Variants in ANGPT2 observed in about 807,000 individuals in gnomAD.
ANGPT2 encodes the protein angiopoietin-2.
A neutral mutation model predicts 62.9 loss-of-function variants in ANGPT2; 28 were observed. That is an observed-to-expected ratio of 0.44 (90% CI 0.33 to 0.61). The LOEUF (loss-of-function observed/expected upper bound fraction) is 0.61, where lower values mean the gene tolerates loss of function less well. ANGPT2 is among the 20% of genes least tolerant of loss of function. The pLI, the probability that ANGPT2 is intolerant of heterozygous loss-of-function variation, is 0.03. For synonymous variants in ANGPT2, 284 were observed against 207.8 expected (o/e 1.37, Z -3.15); for missense variants, 727 against 594.9 (o/e 1.22, Z -2.31).
intron 3 of ANGPT2, among the ~76,000 whole-genome samples, chr8:6,523,665 C>G (rs1817780654): frequency 6.6e-6 from 1 of 152,174 alleles, no homozygotes; most frequent in Non-Finnish European, 1.5e-5. Context: ...TCTCAGCTCG[C>G]TGCAACCTCC....
intron 1 of ANGPT2, among the ~76,000 whole-genome samples, chr8:6,542,514 G>T (rs1821794785): frequency 6.6e-6 from 1 of 151,976 alleles, no homozygotes; most frequent in Non-Finnish European, 1.5e-5. Flanking sequence ...AGTGCTAGCT[G>T]GTAGCAGAGT....
chr8:6,518,144 GA>G (rs1816641187), intron 5 of ANGPT2, among the ~76,000 whole-genome samples: 2 of 152,162 alleles, frequency 1.3e-5, no homozygotes, highest in Non-Finnish European at 2.9e-5. Flanking sequence ...AAACATAGAT[GA>G]AACAATGTGA....
At chr8:6,504,843 G>T (rs1020165766) in intron 8 of ANGPT2, among the ~76,000 whole-genome samples, 3 of 152,190 alleles carry the variant, frequency 2.0e-5, no homozygotes, top group African/African-American at 7.2e-5. Flanking sequence ...TACACATAGG[G>T]TTTGATACTG....
chr8:6,516,401 G>C (rs140749090), intron 5 of ANGPT2, among the ~76,000 whole-genome samples: 25 of 152,158 alleles, frequency 1.6e-4, no homozygotes, highest in Non-Finnish European at 3.1e-4. Flanking sequence ...CCTTCTAAGT[G>C]ATATATAGGA....
At chr8:6,537,545 C>CAT (rs35477464) in intron 1 of ANGPT2, among the ~76,000 whole-genome samples, 18,074 of 148,924 alleles carry the variant, frequency 0.12, 1,117 homozygotes, top group Non-Finnish European at 0.15. Flanking sequence ...TTTAATGCAA[C>CAT]ATATATATAT....
chr8:6,525,171 C>T (rs1166766687), intron 3 of ANGPT2, among the ~76,000 whole-genome samples: 7 of 152,160 alleles, frequency 4.6e-5, no homozygotes, highest in Non-Finnish European at 1.0e-4. Flanking sequence ...CATATCTCGC[C>T]CATAAGCAAT....
chr8:6,527,554 C>T lies in ANGPT2; in HGVS notation c.566+1G>A, dbSNP rs1191643122. On this transcript the variant is annotated splice_donor_variant, in intron 3 of 8. Coordinates refer to ENST00000629816, the MANE Select transcript of ANGPT2 (RefSeq NM_001118887.2). LOFTEE classifies it high-confidence loss of function. ...TATAAATGTTTTAGTACTGTTATTA[C>T]CTGTTCTTATCTTGCAATTTGTTTA... is the stretch of plus-strand genomic sequence containing the variant. The T allele has an allele frequency of 2.5e-6, 4 of 1,613,192 alleles. No homozygotes were observed. Among genetic ancestry groups the T allele is most frequent in the Non-Finnish European group, 1.7e-6 (2 of 1,179,694 alleles).
At chr8:6,557,821 T>C (rs184147223) in intron 1 of ANGPT2, among the ~76,000 whole-genome samples, 9 of 152,282 alleles carry the variant, frequency 5.9e-5, no homozygotes, top group Non-Finnish European at 1.2e-4. Context: ...AGTCTGTCCG[T>C]GTTCATGATT....
intron 2 of ANGPT2, among the ~76,000 whole-genome samples, chr8:6,531,452 C>G (rs1467732252): frequency 6.6e-6 from 1 of 152,016 alleles, no homozygotes; most frequent in African/African-American, 2.4e-5. Flanking sequence ...CCACACCTGG[C>G]TAATTTGTTT....
At chr8:6,526,616 C>T (rs896535571) in intron 3 of ANGPT2, among the ~76,000 whole-genome samples, 1 of 152,048 alleles carries the variant, frequency 6.6e-6, no homozygotes, top group Admixed American at 6.5e-5. Context: ...ACTTGGTATC[C>T]AAAGGACAGA....
At chr8:6,535,875 C>T (rs1820386632) in intron 1 of ANGPT2, among the ~76,000 whole-genome samples, 1 of 147,722 alleles carries the variant, frequency 6.8e-6, no homozygotes, top group Non-Finnish European at 1.5e-5. Context: ...TGGTGAAACC[C>T]ATCTCTACAA....
At chr8:6,544,920 T>G (rs1308075359) in intron 1 of ANGPT2, among the ~76,000 whole-genome samples, 1 of 152,220 alleles carries the variant, frequency 6.6e-6, no homozygotes, top group African/African-American at 2.4e-5. Flanking sequence ...CTCACTAGTT[T>G]TGTTCTCACA....
intron 1 of ANGPT2, among the ~76,000 whole-genome samples, chr8:6,540,515 C>T (rs1485506788): frequency 6.6e-6 from 1 of 152,246 alleles, no homozygotes; most frequent in Admixed American, 6.5e-5. Flanking sequence ...CGTGCAGCCT[C>T]ATGGCACGTT....
rs971163439 is a variant in ANGPT2 at position 6,542,465 on chromosome 8, G to A, written c.289-9978C>T. ...AGGCTTTAGACCCTGTAATATTGTC[G>A]GAGTGTCACTGTAAGAGGGACGCTA... On this transcript the variant is annotated intron_variant, in intron 1 of 8. Transcript: ENST00000629816. 4.6e-5 allele frequency among the ~76,000 whole-genome samples: 7 copies of A among 152,046 alleles called. 1 individual carries two copies. The South Asian group carries it at 1.2e-3, about 27-fold the overall frequency.
Position 6,519,247 on chromosome 8 carries a change from C to G in ANGPT2, c.927+617G>C, listed in dbSNP as rs566764332. ...CCCTCAGACCATGTCACCAAGTCCA[C>G]AGGTTGAAACTGTTTTCACGATGCT... On this transcript the variant is annotated intron_variant, in intron 5 of 8. Transcript: ENST00000629816. 2.6e-5 allele frequency among the ~76,000 whole-genome samples: 4 copies of G among 152,292 alleles called. No homozygotes were observed. In the South Asian group the frequency reaches 8.3e-4, roughly 32 times the overall value.
chr8:6,558,449 T>C (rs1281805880), intron 1 of ANGPT2, among the ~76,000 whole-genome samples: 1 of 152,250 alleles, frequency 6.6e-6, no homozygotes, highest in Admixed American at 6.5e-5. Context: ...ATTTCAATTA[T>C]TTTATGGATT....
rs1816941167 is a variant in ANGPT2 at position 6,519,688 on chromosome 8, G to A, written c.927+176C>T. Among the ~76,000 whole-genome samples, 2 of 152,162 alleles carry A rather than the reference G, an allele frequency of 1.3e-5. 1 individual carries two copies. The highest frequency in any genetic ancestry group is 1.3e-4 in the Admixed American group (2 of 15,278). ...GCTTTTGTATTTTCTGCACAGCAGC[G>A]GCACTTAGAGCCCTTGGCAAGCACT... On this transcript the variant is annotated intron_variant, in intron 5 of 8. Coordinates refer to ENST00000629816, the MANE Select transcript of ANGPT2 (RefSeq NM_001118887.2).
intron 1 of ANGPT2, among the ~76,000 whole-genome samples, chr8:6,550,391 C>T (rs957584933): frequency 1.3e-5 from 2 of 152,232 alleles, no homozygotes; most frequent in Non-Finnish European, 2.9e-5. Context: ...CACCCAGACA[C>T]GTGCGGTGAC....
chr8:6,532,075 G>A (rs545694610), intron 2 of ANGPT2, among the ~76,000 whole-genome samples: 26 of 152,276 alleles, frequency 1.7e-4, no homozygotes, highest in Admixed American at 7.2e-4. Flanking sequence ...GTTGGGATGC[G>A]TGGCATGAAA....
Sources: gnomAD v4.1 joint callset for allele counts (sites outside exome capture counted in the v4.1 genomes callset) on GRCh38, gnomAD v4.1.1 for gene constraint, MANE v1.5 for transcripts, NCBI Gene and HGNC (gene_info 2026-07-23, HGNC 2026-07-21) for gene names.